PTPRM: variants seen among roughly 807,000 people sequenced by gnomAD.
The protein encoded by PTPRM is protein tyrosine phosphatase receptor type M.
PTPRM carries 47 observed loss-of-function variants against 186.7 expected under a neutral mutation model. The observed-to-expected ratio is 0.25, with a 90% CI of 0.20 to 0.32. PTPRM has a LOEUF of 0.32. PTPRM is among the 10% of genes least tolerant of loss of function. The pLI is 1.00. For missense variants in PTPRM, 1,494 were observed against 1,865.0 expected (o/e 0.80, Z 3.66); for synonymous variants, 668 against 674.9 (o/e 0.99, Z 0.16).
At chr18:8,232,555 C>T (rs1416017757) in intron 14 of PTPRM, among the ~76,000 whole-genome samples, 2 of 152,124 alleles carry the variant, frequency 1.3e-5, no homozygotes, top group Admixed American at 6.5e-5. Context: ...GATGGAGTCT[C>T]ACTCTGTCAC....
At chr18:8,346,037 T>G (rs1218224836) in intron 23 of PTPRM, among the ~76,000 whole-genome samples, 1 of 152,234 alleles carries the variant, frequency 6.6e-6, no homozygotes, top group Non-Finnish European at 1.5e-5. Context: ...CAATATTTTA[T>G]ATACTAAAAG....
At chr18:8,309,283 G>A (rs1002513420) in intron 20 of PTPRM, among the ~76,000 whole-genome samples, 2 of 152,162 alleles carry the variant, frequency 1.3e-5, no homozygotes, top group African/African-American at 4.8e-5. Flanking sequence ...AGCAGAATCT[G>A]TGAGTTTATA....
At chr18:7,921,513 C>T (rs1342876319) in intron 4 of PTPRM, among the ~76,000 whole-genome samples, 2 of 151,366 alleles carry the variant, frequency 1.3e-5, no homozygotes, top group Non-Finnish European at 2.9e-5. Flanking sequence ...CCTGAGTAGC[C>T]GGGACTACAG....
chr18:8,298,719 G>A (rs2095123186), intron 20 of PTPRM, among the ~76,000 whole-genome samples: 1 of 152,206 alleles, frequency 6.6e-6, no homozygotes, highest in African/African-American at 2.4e-5. Flanking sequence ...GATAAAGAGG[G>A]TTAAAGAGTT....
chr18:7,579,939 A>C (rs1057374254), intron 1 of PTPRM, among the ~76,000 whole-genome samples: 8 of 152,190 alleles, frequency 5.3e-5, no homozygotes, highest in Non-Finnish European at 1.2e-4. Flanking sequence ...AAATGGGCAT[A>C]TTGGTCTGTT....
chr18:7,614,319 C>G (rs957435226), intron 1 of PTPRM, among the ~76,000 whole-genome samples: 4 of 152,160 alleles, frequency 2.6e-5, no homozygotes, highest in African/African-American at 9.7e-5. Context: ...TAAAGTACTT[C>G]TGGAATGTCA....
chr18:7,622,061 A>G (rs1268080144), intron 1 of PTPRM, among the ~76,000 whole-genome samples: 1 of 152,216 alleles, frequency 6.6e-6, no homozygotes, highest in African/African-American at 2.4e-5. Flanking sequence ...CTAAGTGGCT[A>G]GACCATTTCT....
intron 4 of PTPRM, among the ~76,000 whole-genome samples, chr18:7,914,798 C>T (rs933075724): frequency 1.3e-5 from 2 of 152,020 alleles, no homozygotes; most frequent in Admixed American, 6.5e-5. Context: ...GTAAGCAGTA[C>T]CAGGCTGTTC....
chr18:7,962,525 C>T (rs1014592475), intron 7 of PTPRM, among the ~76,000 whole-genome samples: 2 of 152,092 alleles, frequency 1.3e-5, no homozygotes, highest in Non-Finnish European at 2.9e-5. Context: ...AATATTAATT[C>T]GCTGTGTTTG....
chr18:8,262,231 G>A (rs1169565718), intron 19 of PTPRM, among the ~76,000 whole-genome samples: 2 of 152,286 alleles, frequency 1.3e-5, no homozygotes, highest in African/African-American at 4.8e-5. Flanking sequence ...GCCATCGGAA[G>A]AGTCCCCTGA....
At chr18:7,666,174 C>G (rs972702301) in intron 1 of PTPRM, among the ~76,000 whole-genome samples, 8 of 152,120 alleles carry the variant, frequency 5.3e-5, no homozygotes, top group Admixed American at 5.2e-4. Context: ...TTTATTCCTC[C>G]TTCCGTGAAG....
Position 7,578,332 on chromosome 18 carries a change from ATTTTTTTTTTTT to A in PTPRM, c.73+10451_73+10462del, listed in dbSNP as rs34096793. 3.3e-5 allele frequency among the ~76,000 whole-genome samples: 4 copies of A among 121,554 alleles called. No homozygotes were observed. The East Asian group carries it at 7.5e-4, about 23-fold the overall frequency. 79.7% of individuals were successfully genotyped at this position (121,554 alleles called of 152,430 possible). On this transcript the variant is annotated intron_variant, in intron 1 of 32. Transcript: ENST00000580170. Reference sequence around the variant, plus strand: ...GTGCATCACCATGCCTGGCTAATTAATTTTTTTTTTTTTTTTTTTTTGAGACGGAGTCTTGCT... The same window carrying A: ...GTGCATCACCATGCCTGGCTAATTAATTTTTTTTTGAGACGGAGTCTTGCT...
At chr18:7,630,723 G>C (rs542451940) in intron 1 of PTPRM, among the ~76,000 whole-genome samples, 65 of 152,266 alleles carry the variant, frequency 4.3e-4, no homozygotes, top group African/African-American at 1.6e-3. Context: ...AGAAATCTTT[G>C]AGAGGATGAT....
intron 9 of PTPRM, among the ~76,000 whole-genome samples, chr18:8,078,992 A>G (rs1159942075): frequency 6.6e-6 from 1 of 152,262 alleles, no homozygotes; most frequent in Non-Finnish European, 1.5e-5. Flanking sequence ...ACAAACATCC[A>G]GACCATATCA....
chr18:7,637,296 TTTTG>T (rs1304998825), intron 1 of PTPRM, among the ~76,000 whole-genome samples: 3 of 152,052 alleles, frequency 2.0e-5, no homozygotes, highest in African/African-American at 7.2e-5. Flanking sequence ...CACAATAAAA[TTTTG>T]TTTGGTCAGG....
chr18:8,017,265 G>T (rs936398989), intron 7 of PTPRM, among the ~76,000 whole-genome samples: 3 of 152,028 alleles, frequency 2.0e-5, no homozygotes, highest in African/African-American at 4.8e-5. Context: ...TAGGCCAGGC[G>T]TGGTGGCTCA....
chr18:8,024,238 T>C (rs2085417532), intron 7 of PTPRM, among the ~76,000 whole-genome samples: 1 of 152,200 alleles, frequency 6.6e-6, no homozygotes, highest in Non-Finnish European at 1.5e-5. Flanking sequence ...TAAGCATTGT[T>C]AGTTGATTTT....
intron 19 of PTPRM, among the ~76,000 whole-genome samples, chr18:8,285,789 C>T (rs959645112): frequency 6.6e-6 from 1 of 152,142 alleles, no homozygotes; most frequent in East Asian, 1.9e-4. Context: ...CCCAGGGGTT[C>T]GAGACCAGCC....
At chr18:8,205,497 A>G (rs1187889232) in intron 14 of PTPRM, among the ~76,000 whole-genome samples, 9 of 152,192 alleles carry the variant, frequency 5.9e-5, no homozygotes, top group Non-Finnish European at 1.3e-4. Context: ...TTAATTGATC[A>G]CGTACTTTAT....
Sources: allele counts gnomAD v4.1 joint callset (sites outside exome capture counted in the v4.1 genomes callset), GRCh38; gene constraint gnomAD v4.1.1; transcripts MANE v1.5; gene names NCBI Gene and HGNC (gene_info 2026-07-23, HGNC 2026-07-21).